The following MRAP2 variants were observed in gnomAD, a reference collection of about 807,000 sequenced individuals.
MRAP2 encodes melanocortin 2 receptor accessory protein 2, also known as melanocortin-2 receptor accessory protein 2.
A neutral mutation model predicts 17.4 loss-of-function variants in MRAP2; 20 were observed. That is an observed-to-expected ratio of 1.15 (90% CI 0.81 to 1.67). MRAP2 has a LOEUF of 1.67. Ranked by LOEUF, MRAP2 falls within the 40% of genes most tolerant of loss-of-function variation. The pLI is 0.00. For synonymous variants in MRAP2, 96 were observed against 88.4 expected (o/e 1.09, Z -0.48); for missense variants, 238 against 240.0 (o/e 0.99, Z 0.05).
chr6:84,068,547 A>C (rs2099495338), intron 3 of MRAP2, among the ~76,000 whole-genome samples: 2 of 151,994 alleles, frequency 1.3e-5, no homozygotes, highest in Admixed American at 6.6e-5. Context: ...TGTTTGTTTT[A>C]TCTATGATTT....
chr6:84,104,219 C>T, the MRAP2 span, among the ~76,000 whole-genome samples: 2 of 152,192 alleles, frequency 1.3e-5, no homozygotes, highest in Admixed American at 6.5e-5. Flanking sequence ...GCTGGAGTGG[C>T]TGGAATGCAG....
At chr6:84,124,720 G>A in the MRAP2 span, 1 of 282,060 alleles carries the variant, frequency 3.5e-6, no homozygotes. Flanking sequence ...GTACCCCCTG[G>A]ATCTAAAATA....
At chr6:84,114,814 C>T in the MRAP2 span, among the ~76,000 whole-genome samples, 4 of 152,164 alleles carry the variant, frequency 2.6e-5, no homozygotes, top group African/African-American at 9.7e-5. Context: ...TATTTGTTTT[C>T]CTTCTAACAG....
At chr6:84,123,744 A>G in the MRAP2 span, among the ~76,000 whole-genome samples, 1 of 152,150 alleles carries the variant, frequency 6.6e-6, no homozygotes, top group Non-Finnish European at 1.5e-5. Flanking sequence ...AATTAAAATT[A>G]AAGGCTTCTG....
the MRAP2 span, among the ~76,000 whole-genome samples, chr6:84,131,632 C>CT: frequency 1.3e-5 from 2 of 151,620 alleles, no homozygotes; most frequent in Non-Finnish European, 2.9e-5. Context: ...GGTTTAAAGT[C>CT]TTTTTTATCA....
At chr6:84,081,500 C>T (rs947828772) in intron 3 of MRAP2, among the ~76,000 whole-genome samples, 2 of 152,196 alleles carry the variant, frequency 1.3e-5, no homozygotes, top group African/African-American at 2.4e-5. Context: ...TGAGTTCTCA[C>T]AAGATGTGAT....
At chr6:84,107,340 T>C in the MRAP2 span, among the ~76,000 whole-genome samples, 1 of 152,302 alleles carries the variant, frequency 6.6e-6, no homozygotes, top group Admixed American at 6.5e-5. Context: ...TATTTTACCT[T>C]AGAAGTAATA....
At chr6:84,100,099 A>G in the MRAP2 span, among the ~76,000 whole-genome samples, 1 of 152,062 alleles carries the variant, frequency 6.6e-6, no homozygotes, top group South Asian at 2.1e-4. Context: ...GCCCCAAGTG[A>G]TCCACTTGCC....
At chr6:84,071,089 C>T (rs1013097246) in intron 3 of MRAP2, among the ~76,000 whole-genome samples, 1 of 152,030 alleles carries the variant, frequency 6.6e-6, no homozygotes, top group Non-Finnish European at 1.5e-5. Context: ...ATAAGAGGTA[C>T]CATTGCATTC....
At chr6:84,074,981 G>A (rs753693193) in intron 3 of MRAP2, among the ~76,000 whole-genome samples, 3 of 152,182 alleles carry the variant, frequency 2.0e-5, no homozygotes, top group Admixed American at 6.5e-5. Flanking sequence ...TGCTAGGCTA[G>A]GCTGTCAGAC....
chr6:84,121,690 C>T, the MRAP2 span, among the ~76,000 whole-genome samples: 3 of 151,990 alleles, frequency 2.0e-5, no homozygotes, highest in Admixed American at 1.3e-4. Context: ...AAACAGCTTG[C>T]TCCTGAATGA....
At chr6:84,076,806 T>G (rs2099497743) in intron 3 of MRAP2, among the ~76,000 whole-genome samples, 1 of 152,230 alleles carries the variant, frequency 6.6e-6, no homozygotes, top group South Asian at 2.1e-4. Context: ...CAGCAGGTAT[T>G]TCATTTGTAA....
chr6:84,128,683 GTAAACAT>G, the MRAP2 span, among the ~76,000 whole-genome samples: 11 of 151,922 alleles, frequency 7.2e-5, no homozygotes, highest in African/African-American at 2.7e-4. Flanking sequence ...ACAGTTCCTA[GTAAACAT>G]TAAACTTTTT....
At chr6:84,053,384 A>G (rs957665055) in intron 1 of MRAP2, among the ~76,000 whole-genome samples, 1 of 152,206 alleles carries the variant, frequency 6.6e-6, no homozygotes, top group African/African-American at 2.4e-5. Context: ...AGTTGGTAGA[A>G]TAGCATGAAT....
At chr6:84,121,576 G>A in the MRAP2 span, among the ~76,000 whole-genome samples, 6 of 151,998 alleles carry the variant, frequency 3.9e-5, no homozygotes, top group East Asian at 3.9e-4. Context: ...CCCAGGAGGC[G>A]GAGGTTGTAG....
chr6:84,113,470 A>G, the MRAP2 span, among the ~76,000 whole-genome samples: 3 of 152,128 alleles, frequency 2.0e-5, no homozygotes, highest in African/African-American at 4.8e-5. Flanking sequence ...TTTGGAGCCT[A>G]TGTGTGTCTC....
chr6:84,062,064 C>T (rs944277802), intron 2 of MRAP2: 12 of 985,302 alleles, frequency 1.2e-5, no homozygotes, highest in African/African-American at 8.7e-5. Flanking sequence ...CCATGGTGAA[C>T]GTAAGTGAGA....
At chr6:84,118,178 G>A in the MRAP2 span, among the ~76,000 whole-genome samples, 207 of 152,248 alleles carry the variant, frequency 1.4e-3, no homozygotes, top group Admixed American at 2.4e-3. Context: ...TAGAACATGG[G>A]TGGGGGTGGC....
chr6:84,073,840 C>T (rs1028496678), intron 3 of MRAP2, among the ~76,000 whole-genome samples: 1 of 150,686 alleles, frequency 6.6e-6, no homozygotes, highest in African/African-American at 2.4e-5. Flanking sequence ...AACACAAATT[C>T]GTAAATTTGC....
Sources: allele counts gnomAD v4.1 joint callset (sites outside exome capture counted in the v4.1 genomes callset), GRCh38; gene constraint gnomAD v4.1.1; transcripts MANE v1.5; gene names NCBI Gene and HGNC (gene_info 2026-07-23, HGNC 2026-07-21).